SNRPN: variants seen among roughly 807,000 people sequenced by gnomAD.
SNRPN encodes small nuclear ribonucleoprotein-associated protein N.
SNRPN carries 7 observed loss-of-function variants against 25.2 expected under a neutral mutation model. The ratio of observed to expected loss-of-function variants is 0.28; its 90% CI spans 0.16 to 0.52. The LOEUF is 0.52. Among genes scored for constraint, SNRPN ranks in the 20% least tolerant of loss-of-function variants. SNRPN has a pLI of 0.96. For missense variants in SNRPN, 196 were observed against 322.5 expected, an observed-to-expected ratio of 0.61 and a Z score of 3.00; for synonymous variants, 124 against 110.6, an observed-to-expected ratio of 1.12 and a Z score of -0.76.
intron 1 of SNRPN, among the ~76,000 whole-genome samples, chr15:24,885,215 T>C (rs1436109500): frequency 6.6e-6 from 1 of 152,220 alleles, no homozygotes; most frequent in African/African-American, 2.4e-5. Context: ...CTTGCACCGG[T>C]AGCCTAGGTA....
intron 1 of SNRPN, among the ~76,000 whole-genome samples, chr15:24,869,898 A>G (rs2054925242): frequency 6.6e-6 from 1 of 152,182 alleles, no homozygotes; most frequent in African/African-American, 2.4e-5. Context: ...TACTGTATAC[A>G]GTTGGCCTGT....
At chr15:24,867,243 TCAACAGTGTG>T (rs1169593500) in intron 1 of SNRPN, among the ~76,000 whole-genome samples, 2 of 152,204 alleles carry the variant, frequency 1.3e-5, no homozygotes, top group African/African-American at 2.4e-5. Flanking sequence ...AACATTCTCA[TCAACAGTGTG>T]CAGGGGTTTC....
intron 2 of SNRPN, among the ~76,000 whole-genome samples, chr15:24,891,159 C>CCTT (rs2057633947): frequency 6.6e-6 from 1 of 151,902 alleles, no homozygotes; most frequent in Non-Finnish European, 1.5e-5. Flanking sequence ...GATCTGCCCG[C>CCTT]CTTCGCCTCC....
chr15:24,862,773 T>C (rs1045161071), intron 1 of SNRPN, among the ~76,000 whole-genome samples: 3 of 149,952 alleles, frequency 2.0e-5, no homozygotes, highest in South Asian at 2.1e-4. Context: ...AGGAGGAGCA[T>C]TGGAGGAGAT....
chr15:24,886,779 TA>T (rs1445658757), intron 2 of SNRPN, among the ~76,000 whole-genome samples: 1 of 152,210 alleles, frequency 6.6e-6, no homozygotes, highest in Non-Finnish European at 1.5e-5. Context: ...GTTGCACACC[TA>T]AAAAGGGACT....
intron 3 of SNRPN, among the ~76,000 whole-genome samples, chr15:24,926,621 T>G (rs1044448617): frequency 1.4e-4 from 20 of 142,014 alleles, no homozygotes; most frequent in Admixed American, 6.8e-4. Flanking sequence ...GGATTCTGGT[T>G]TTTTTTTTGC....
chr15:24,943,791 G>A (rs2061708672), intron 3 of SNRPN, among the ~76,000 whole-genome samples: 1 of 152,088 alleles, frequency 6.6e-6, no homozygotes, highest in East Asian at 1.9e-4. Flanking sequence ...GTCTGCTACT[G>A]ACACTTCAAG....
chr15:24,960,815 A>C (rs2074667586), intron 1 of SNRPN, among the ~76,000 whole-genome samples: 1 of 152,206 alleles, frequency 6.6e-6, no homozygotes, highest in Admixed American at 6.5e-5. Context: ...AGTGACATAC[A>C]AAAGCTGTAG....
intron 2 of SNRPN, among the ~76,000 whole-genome samples, chr15:24,897,887 A>G (rs1195465749): frequency 2.0e-5 from 3 of 152,134 alleles, no homozygotes; most frequent in Non-Finnish European, 2.9e-5. Flanking sequence ...TAAATTACCC[A>G]GTCTCAGATA....
intron 2 of SNRPN, among the ~76,000 whole-genome samples, chr15:24,894,176 A>G (rs2057897140): frequency 1.3e-5 from 2 of 151,096 alleles, no homozygotes; most frequent in South Asian, 2.1e-4. Flanking sequence ...ACAAGAACCA[A>G]CAACTTGTAC....
At chr15:24,835,343 G>T (rs749389466) in intron 2 of SNRPN, among the ~76,000 whole-genome samples, 1 of 151,416 alleles carries the variant, frequency 6.6e-6, no homozygotes, top group Non-Finnish European at 1.5e-5. Context: ...GTCACATTTT[G>T]TCCAATTTTG....
At chr15:24,899,506 T>C (rs998433636) in intron 2 of SNRPN, among the ~76,000 whole-genome samples, 2 of 152,228 alleles carry the variant, frequency 1.3e-5, no homozygotes, top group African/African-American at 4.8e-5. Context: ...CCGTTTCCCA[T>C]AGCATGCATG....
chr15:24,911,845 G>C (rs2059238899), intron 2 of SNRPN, among the ~76,000 whole-genome samples: 1 of 152,198 alleles, frequency 6.6e-6, no homozygotes, highest in Non-Finnish European at 1.5e-5. Flanking sequence ...TGGAGCCATA[G>C]GGACAGGGCC....
At chr15:24,937,060 TG>T (rs1470166038) in intron 3 of SNRPN, among the ~76,000 whole-genome samples, 5 of 151,868 alleles carry the variant, frequency 3.3e-5, no homozygotes, top group Non-Finnish European at 7.4e-5. Flanking sequence ...CTGGCCAACG[TG>T]GTGAAACTCT....
chr15:24,962,652 T>G (rs2075015132), intron 2 of SNRPN, among the ~76,000 whole-genome samples: 1 of 152,222 alleles, frequency 6.6e-6, no homozygotes, highest in South Asian at 2.1e-4. Context: ...TTTTTTATCC[T>G]GTTTTAAGTA....
intron 2 of SNRPN, among the ~76,000 whole-genome samples, chr15:24,892,939 T>A (rs983954057): frequency 5.9e-5 from 9 of 152,116 alleles, no homozygotes; most frequent in Non-Finnish European, 1.3e-4. Flanking sequence ...CTGGGTGTGG[T>A]GGCTTATGCC....
chr15:24,935,804 T>C (rs977259893), intron 3 of SNRPN, among the ~76,000 whole-genome samples: 2 of 152,096 alleles, frequency 1.3e-5, no homozygotes, highest in Admixed American at 6.6e-5. Flanking sequence ...TGCTCACTCT[T>C]TGGGGCCAGA....
At chr15:24,884,747 A>G (rs758227951) in intron 1 of SNRPN, among the ~76,000 whole-genome samples, 18 of 152,216 alleles carry the variant, frequency 1.2e-4, no homozygotes, top group Non-Finnish European at 2.1e-4. Flanking sequence ...CAATGTTGGA[A>G]TAATCATGCC....
chr15:24,904,609 C>T lies in SNRPN; in HGVS notation c.-504-15402C>T, dbSNP rs537725970. Reference sequence around the variant, plus strand: ...GGCAGAGGTTGCAGTGAGCCAAGATCGGGCCACTGCACTCCAGCCTGGGCA... The same window carrying T: ...GGCAGAGGTTGCAGTGAGCCAAGATTGGGCCACTGCACTCCAGCCTGGGCA... On this transcript the variant is annotated intron_variant, in intron 2 of 11. Transcript: ENST00000400097. 3.9e-5 allele frequency among the ~76,000 whole-genome samples: 6 copies of T among 152,052 alleles called. No homozygotes were observed. In the South Asian group the frequency reaches 1.2e-3, roughly 32 times the overall value.
Sources: allele counts gnomAD v4.1 joint callset (sites outside exome capture counted in the v4.1 genomes callset), GRCh38; gene constraint gnomAD v4.1.1; transcripts MANE v1.5; gene names NCBI Gene and HGNC (gene_info 2026-07-23, HGNC 2026-07-21).